Variants in SH3PXD2A observed in about 807,000 individuals in gnomAD.
The protein encoded by SH3PXD2A is SH3 and PX domain-containing protein 2A.
SH3PXD2A carries 32 observed loss-of-function variants against 115.2 expected under a neutral mutation model. The observed-to-expected ratio is 0.28, with a 90% CI of 0.21 to 0.37. The LOEUF (loss-of-function observed/expected upper bound fraction) is 0.37. Among genes scored for constraint, SH3PXD2A ranks in the 10% least tolerant of loss-of-function variants. The pLI is 1.00. For missense variants in SH3PXD2A, 1,328 were observed against 1,498.7 expected (o/e 0.89, Z 1.88); for synonymous variants, 610 against 629.1 (o/e 0.97, Z 0.45).
chr10:103,739,411 C>T (rs957286256), intron 3 of SH3PXD2A, among the ~76,000 whole-genome samples: 5 of 152,138 alleles, frequency 3.3e-5, no homozygotes, highest in East Asian at 1.9e-4. Context: ...ACAGGAGCAA[C>T]GTTTTCTTTT....
rs951554788 is a variant in SH3PXD2A, at chr10:103,599,196, T to C, written c.*2620A>G. 5 of 150,112 alleles carry C rather than the reference T, an allele frequency of 3.3e-5. No homozygotes were observed. Among genetic ancestry groups the C allele is most frequent in the African/African-American group, 9.8e-5 (4 of 40,650 alleles). The allele number at this position is 150,112 out of a possible 1,614,324, so 9.3% of individuals were successfully genotyped here. A position where few individuals can be genotyped will look rare whatever the true frequency, so the allele number is the denominator to read the frequency against. Reference sequence around the variant, plus strand: ...CAGGAAGGGATGGGATAGAGACCTCTGAGGTCTCTTTCAGTCCTGCATTTT... The same window carrying C: ...CAGGAAGGGATGGGATAGAGACCTCCGAGGTCTCTTTCAGTCCTGCATTTT... On this transcript the variant is annotated 3_prime_UTR_variant, in exon 15 of 15. Coordinates refer to ENST00000369774, the MANE Select transcript of SH3PXD2A (RefSeq NM_001394015.1).
At chr10:103,743,160 G>A (rs542548468) in intron 3 of SH3PXD2A, among the ~76,000 whole-genome samples, 1 of 152,124 alleles carries the variant, frequency 6.6e-6, no homozygotes, top group Admixed American at 6.5e-5. Flanking sequence ...TTTGCTGACA[G>A]ATTGATGAAG....
At chr10:103,745,179 C>A (rs760129737) in intron 3 of SH3PXD2A, among the ~76,000 whole-genome samples, 1 of 152,228 alleles carries the variant, frequency 6.6e-6, no homozygotes, top group African/African-American at 2.4e-5. Context: ...TCTGTTACCA[C>A]CTGGGGGAAG....
rs1554921417 is a variant in SH3PXD2A, at chr10:103,769,181, T to TGTGCGC, written c.154-2013_154-2012insGCGCAC. 6.4e-3 allele frequency among the ~76,000 whole-genome samples: 720 copies of TGTGCGC among 112,810 alleles called. 9 individuals carry two copies. Among genetic ancestry groups the TGTGCGC allele is most frequent in the African/African-American group, 0.021 (689 of 33,150 alleles). 74.0% of individuals were successfully genotyped at this position (112,810 alleles called of 152,430 possible). On this transcript the variant is annotated intron_variant, in intron 2 of 14. Transcript: ENST00000369774. The stretch of plus-strand genomic sequence containing the variant: ...GTGTGTGTGTGTGTGTGTGTGTGTG[T>TGTGCGC]GCGCGCGCGCGCGCATTTATTTCCA...
intron 8 of SH3PXD2A, among the ~76,000 whole-genome samples, chr10:103,658,043 C>G (rs746472): frequency 0.9 from 137,173 of 152,342 alleles, 62,019 homozygotes; most frequent in East Asian, 1. Flanking sequence ...TGGTTAAACT[C>G]CCTTCTACTG....
rs78541105 is a variant in SH3PXD2A at position 103,814,380 on chromosome 10, C to T, written c.73-13018G>A. Among the ~76,000 whole-genome samples, 34 of 152,212 alleles carry T rather than the reference C, an allele frequency of 2.2e-4. No individual in the cohort carries two copies. In the East Asian group the frequency reaches 5.8e-3, roughly 26 times the overall value. Reference sequence around the variant, plus strand: ...CCAGAGGAGGTATTTAAGAGACATACGATAGCTGGTTTCAAATATTTAAAG... The same window carrying T: ...CCAGAGGAGGTATTTAAGAGACATATGATAGCTGGTTTCAAATATTTAAAG... On this transcript the variant is annotated intron_variant, in intron 1 of 14. Transcript: ENST00000369774.
intron 5 of SH3PXD2A, among the ~76,000 whole-genome samples, chr10:103,706,808 C>T (rs116836746): frequency 1.2e-4 from 19 of 152,174 alleles, no homozygotes; most frequent in Admixed American, 3.9e-4. Context: ...TCCTTTCCCC[C>T]CCGAGTAGAG....
intron 1 of SH3PXD2A, among the ~76,000 whole-genome samples, chr10:103,824,192 T>C (rs561638932): frequency 6.6e-6 from 1 of 151,936 alleles, no homozygotes; most frequent in South Asian, 2.1e-4. Flanking sequence ...AAGGGGAGGG[T>C]GGGCAGGCAT....
intron 1 of SH3PXD2A, among the ~76,000 whole-genome samples, chr10:103,826,941 G>A (rs538836748): frequency 1.8e-4 from 27 of 152,290 alleles, no homozygotes; most frequent in Non-Finnish European, 2.5e-4. Flanking sequence ...GCTTCGGCCC[G>A]GCTAATGGAG....
Position 103,628,384 on chromosome 10 carries a change from G to A in SH3PXD2A, c.605-1182C>T, listed in dbSNP as rs114179384. Among the ~76,000 whole-genome samples, 666 of 152,156 alleles carry A rather than the reference G, an allele frequency of 4.4e-3. 2 individuals are homozygous for A. Among genetic ancestry groups the A allele is most frequent in the African/African-American group, 0.015 (643 of 41,490 alleles). On this transcript the variant is annotated intron_variant, in intron 8 of 14. Coordinates refer to ENST00000369774, the MANE Select transcript of SH3PXD2A (RefSeq NM_001394015.1). ...TGGGGAGTTCCACAACCCTCTGCTT[G>A]CAGCTCTGCAAAGCCCATGAAATGC...
intron 6 of SH3PXD2A, among the ~76,000 whole-genome samples, chr10:103,692,501 A>G (rs757225658): frequency 5.2e-4 from 79 of 152,316 alleles, no homozygotes; most frequent in Non-Finnish European, 1.3e-4. Context: ...GCAGGGAAGA[A>G]GGTCTGTGGT....
At chr10:103,707,067 T>G (rs1163560049) in intron 5 of SH3PXD2A, among the ~76,000 whole-genome samples, 3 of 152,212 alleles carry the variant, frequency 2.0e-5, no homozygotes, top group South Asian at 2.1e-4. Context: ...CTCTGGCAGT[T>G]GGACTACAGT....
intron 5 of SH3PXD2A, among the ~76,000 whole-genome samples, chr10:103,711,937 T>C (rs555681280): frequency 2.0e-5 from 3 of 152,132 alleles, no homozygotes; most frequent in African/African-American, 7.2e-5. Context: ...GGTGTGTGCC[T>C]GCAGTCCCAG....
chr10:103,838,184 C>T lies in SH3PXD2A; in HGVS notation c.72+17011G>A, dbSNP rs77127130. On this transcript the variant is annotated intron_variant, in intron 1 of 14. Coordinates refer to ENST00000369774, the MANE Select transcript of SH3PXD2A (RefSeq NM_001394015.1). The stretch of plus-strand genomic sequence containing the variant: ...TCCAAGACACCTCTGTCACAAACAC[C>T]ATGTGGCCCTCTCAAGGGCTCTAAA... 3.1e-3 allele frequency among the ~76,000 whole-genome samples: 476 copies of T among 152,302 alleles called. 1 individual carries two copies. The highest frequency in any genetic ancestry group is 7.8e-3 in the African/African-American group (325 of 41,558).
At chr10:103,628,612 G>A (rs1193517021) in intron 8 of SH3PXD2A, among the ~76,000 whole-genome samples, 1 of 152,108 alleles carries the variant, frequency 6.6e-6, no homozygotes, top group Non-Finnish European at 1.5e-5. Context: ...TGGGGTGAGA[G>A]AAGAGAGGTA....
chr10:103,851,000 A>G (rs1013235665), intron 1 of SH3PXD2A, among the ~76,000 whole-genome samples: 19 of 152,150 alleles, frequency 1.2e-4, no homozygotes, highest in Admixed American at 1.2e-3. Flanking sequence ...AGGTTGCACA[A>G]CTAGGAAGTG....
chr10:103,604,458 C>T (rs149312613), intron 14 of SH3PXD2A, among the ~76,000 whole-genome samples: 1 of 152,318 alleles, frequency 6.6e-6, no homozygotes, highest in Non-Finnish European at 1.5e-5. Flanking sequence ...TAAGGAGCTT[C>T]TTCCTTAACT....
intron 8 of SH3PXD2A, among the ~76,000 whole-genome samples, chr10:103,639,933 T>TA (rs2036928651): frequency 6.6e-6 from 1 of 152,104 alleles, no homozygotes; most frequent in Admixed American, 6.5e-5. Flanking sequence ...TCAAGACACT[T>TA]ACATTCTCAG....
At chr10:103,762,741 A>T (rs936605984) in intron 3 of SH3PXD2A, among the ~76,000 whole-genome samples, 11 of 152,350 alleles carry the variant, frequency 7.2e-5, no homozygotes, top group Middle Eastern at 3.4e-3. Flanking sequence ...AGCAGGTTCT[A>T]GCCCTGATGA....
Sources: gnomAD v4.1 joint callset for allele counts (sites outside exome capture counted in the v4.1 genomes callset) on GRCh38, gnomAD v4.1.1 for gene constraint, MANE v1.5 for transcripts, NCBI Gene and HGNC (gene_info 2026-07-23, HGNC 2026-07-21) for gene names.